The following TRAF5 variants were observed in gnomAD, a reference collection of about 807,000 sequenced individuals.
TRAF5 encodes the protein TNF receptor-associated factor 5.
TRAF5 carries 48 observed loss-of-function variants against 64.5 expected under a neutral mutation model. That is an observed-to-expected ratio of 0.74 (90% CI 0.59 to 0.95). The LOEUF (loss-of-function observed/expected upper bound fraction) is 0.95. Ranked by LOEUF, TRAF5 falls within the 40% of genes least tolerant of loss-of-function variation. TRAF5 has a pLI of 0.00. For missense variants in TRAF5, 545 were observed against 662.8 expected, an observed-to-expected ratio of 0.82 and a Z score of 1.95; for synonymous variants, 206 against 240.5, an observed-to-expected ratio of 0.86 and a Z score of 1.33.
rs1161296063 is a variant in TRAF5, at chr1:211,359,782, G to A, written c.379-130G>A. ...AGCATCCCCTGAGAGCCTACCCTCT[G>A]CCTTGCCCTGTGCAAGCCTTTCTGC... is the stretch of plus-strand genomic sequence containing the variant. On this transcript the variant is annotated intron_variant, in intron 4 of 10. Transcript: ENST00000261464. 30 of 1,036,532 alleles carry A rather than the reference G, an allele frequency of 2.9e-5. No homozygotes were observed. The Admixed American group carries it at 6.1e-4, about 21-fold the overall frequency. The allele number at this position is 1,036,532 out of a possible 1,614,324, so 64.2% of individuals were successfully genotyped here.
In TRAF5 at chr1:211,361,153, T is replaced by G. The variant is rs79833851; in HGVS notation, c.687T>G (p.Cys229Trp). Residue 229 changes from cysteine to tryptophan, a missense_variant, in exon 7 of 11, where the codon TGT becomes TGG. Coordinates refer to ENST00000261464, the MANE Select transcript of TRAF5 (RefSeq NM_001033910.3). ...EQDCPFKHYG[C>W]AVTDKRRNLQ... ...ACTGTCCTTTTAAGCACTATGGCTG[T>G]GCTGTAACGGTATGGAATGACTTTT... 1 of 1,614,172 alleles carries G rather than the reference T, an allele frequency of 6.2e-7. No individual in the cohort carries two copies.
rs1280361670 is a variant in TRAF5 at position 211,359,998 on chromosome 1, G to A, written c.465G>A (p.Glu155=). The A allele has an allele frequency of 6.2e-7, 1 of 1,614,126 alleles. No homozygotes were observed. Among genetic ancestry groups the A allele is most frequent in the Middle Eastern group, 1.6e-4 (1 of 6,062 alleles). The change falls in exon 5 of 11, where the codon GAG becomes GAA. Residue 155 remains glutamate (E), a synonymous_variant. Transcript: ENST00000261464. ...REPVLRKDLK[E]HLSASCQFRK... ...CAGTCCTACGGAAAGACCTGAAAGAGCATTTGAGTGCATCCTGTCAGTTTC... is the reference window on the plus strand; with the variant it reads ...CAGTCCTACGGAAAGACCTGAAAGAACATTTGAGTGCATCCTGTCAGTTTC...
At chr1:211,354,278 A>C in intron 2 of TRAF5, 132 bp from the exon 3 acceptor site, 1 of 721,894 alleles carries the variant, frequency 1.4e-6, no homozygotes, top group Non-Finnish European at 2.3e-6. Flanking sequence ...CCTTCTGGGT[A>C]GAGGGAACAG....
At position 211,372,258 on chromosome 1, in the gene TRAF5, G is replaced by A. The variant is rs753643729; in HGVS notation, c.1230G>A (p.Val410=). The change falls in exon 11 of 11, where the codon GTG becomes GTA. Residue 410 remains valine (V), a synonymous_variant. Coordinates refer to ENST00000261464, the MANE Select transcript of TRAF5 (RefSeq NM_001033910.3). ...ATAATGGAAAGCTCATTTGGAAGGT[G>A]ACAGATTACAAGATGAAGAAGAGAG... ...TCYNGKLIWK[V]TDYKMKKREA... 1 of 1,614,124 alleles carries A rather than the reference G, an allele frequency of 6.2e-7. No individual in the cohort carries two copies. Among genetic ancestry groups the A allele is most frequent in the South Asian group, 1.1e-5 (1 of 91,068 alleles).
At chr1:211,364,578 C>T (rs1184397247) in intron 7 of TRAF5, among the ~76,000 whole-genome samples, 1 of 151,844 alleles carries the variant, frequency 6.6e-6, no homozygotes, top group Non-Finnish European at 1.5e-5. Flanking sequence ...CCCAGCTACT[C>T]GGGAGGCTGA....
chr1:211,359,972 C>T lies in TRAF5; in HGVS notation c.439C>T (p.Pro147Ser). 6.2e-7 allele frequency: 1 copy of T among 1,614,060 alleles called. No homozygotes were observed. The highest frequency in any genetic ancestry group is 8.5e-7 in the Non-Finnish European group (1 of 1,179,920). ...GTGTTCTAATGAGAAGTGCCGGGAG[C>T]CAGTCCTACGGAAAGACCTGAAAGA... is the stretch of plus-strand genomic sequence containing the variant. ...VQCSNEKCREPVLRKDLKEHL... is the reference protein window; with the variant it reads ...VQCSNEKCRESVLRKDLKEHL... The change falls in exon 5 of 11, where the codon CCA becomes TCA. Residue 147 changes from proline to serine, a missense_variant. Physicochemically the swap from Pro to Ser is moderately conservative, Grantham distance 74. Coordinates refer to ENST00000261464, the MANE Select transcript of TRAF5 (RefSeq NM_001033910.3).
intron 7 of TRAF5, among the ~76,000 whole-genome samples, chr1:211,364,069 C>T (rs1162931395): frequency 6.6e-6 from 1 of 152,094 alleles, no homozygotes; most frequent in African/African-American, 2.4e-5. Context: ...TTATTTAGGA[C>T]AGCCTGTCAC....
intron 1 of TRAF5, among the ~76,000 whole-genome samples, chr1:211,332,068 A>G (rs1217796006): frequency 6.6e-6 from 1 of 151,958 alleles, no homozygotes; most frequent in Non-Finnish European, 1.5e-5. Flanking sequence ...GGGACAGGGT[A>G]TGGTGGGATA....
At chr1:211,356,506 T>A in intron 4 of TRAF5, 38 bp downstream of exon 4, 1 of 1,586,440 alleles carries the variant, frequency 6.3e-7, no homozygotes, top group Non-Finnish European at 8.7e-7. Flanking sequence ...CTTTTGCCAT[T>A]TTTCCAGGAA....
intron 1 of TRAF5, among the ~76,000 whole-genome samples, chr1:211,348,399 T>C (rs1039739407): frequency 2.0e-5 from 3 of 152,218 alleles, no homozygotes; most frequent in African/African-American, 7.2e-5. Flanking sequence ...ATAATTTGCG[T>C]AAACAAAAAC....
At chr1:211,351,389 A>C (rs1396087572) in intron 1 of TRAF5, among the ~76,000 whole-genome samples, 1 of 151,994 alleles carries the variant, frequency 6.6e-6, no homozygotes, top group Non-Finnish European at 1.5e-5. Context: ...TCATGACTTC[A>C]TTACCTGCCA....
chr1:211,353,559 TG>T, intron 2 of TRAF5, 102 bp downstream of exon 2: 1 of 1,174,448 alleles, frequency 8.5e-7, no homozygotes, highest in Non-Finnish European at 1.2e-6. Flanking sequence ...TTGTTTTACT[TG>T]GCCACAGAAC....
intron 1 of TRAF5, among the ~76,000 whole-genome samples, chr1:211,346,642 G>C (rs898806725): frequency 6.6e-6 from 1 of 152,168 alleles, no homozygotes; most frequent in Non-Finnish European, 1.5e-5. Flanking sequence ...GGGGTATGGA[G>C]GTGGTATGGA....
At chr1:211,335,320 C>T (rs1352065851) in intron 1 of TRAF5, among the ~76,000 whole-genome samples, 6 of 152,252 alleles carry the variant, frequency 3.9e-5, no homozygotes, top group African/African-American at 7.2e-5. Context: ...GGTCTGCAAA[C>T]GTGGGCTGCT....
intron 1 of TRAF5, among the ~76,000 whole-genome samples, chr1:211,336,910 C>T (rs1416775760): frequency 1.3e-5 from 2 of 152,216 alleles, no homozygotes; most frequent in Non-Finnish European, 2.9e-5. Flanking sequence ...CCGCTCACCT[C>T]GGCCTTCCAA....
At chr1:211,359,137 C>T (rs570605344) in intron 4 of TRAF5, 2 of 151,920 alleles carry the variant, frequency 1.3e-5, no homozygotes, top group South Asian at 4.2e-4. Flanking sequence ...ATTGTGGAGA[C>T]AAGGTATTGG....
At chr1:211,339,169 G>A (rs1225010977) in intron 1 of TRAF5, among the ~76,000 whole-genome samples, 2 of 152,164 alleles carry the variant, frequency 1.3e-5, no homozygotes, top group Non-Finnish European at 2.9e-5. Flanking sequence ...TTGAGGCCTC[G>A]GACTGTTCAT....
chr1:211,348,782 C>T (rs1702693022), intron 1 of TRAF5, among the ~76,000 whole-genome samples: 1 of 152,028 alleles, frequency 6.6e-6, no homozygotes, highest in East Asian at 1.9e-4. Context: ...GGTCAGTTGA[C>T]TATATTTATG....
chr1:211,335,387 G>A (rs1702264088), intron 1 of TRAF5, among the ~76,000 whole-genome samples: 1 of 152,154 alleles, frequency 6.6e-6, no homozygotes, highest in African/African-American at 2.4e-5. Flanking sequence ...GAACATTATG[G>A]CACCCCAAGT....
Sources: allele counts gnomAD v4.1 joint callset (sites outside exome capture counted in the v4.1 genomes callset), GRCh38; gene constraint gnomAD v4.1.1; transcripts MANE v1.5; gene names NCBI Gene and HGNC (gene_info 2026-07-23, HGNC 2026-07-21).